The following DAPP1 variants were observed in gnomAD, a reference collection of about 807,000 sequenced individuals.
The protein encoded by DAPP1 is dual adapter for phosphotyrosine and 3-phosphotyrosine and 3-phosphoinositide.
DAPP1 carries 20 observed loss-of-function variants against 41.5 expected under a neutral mutation model. That is an observed-to-expected ratio of 0.48 (90% CI 0.34 to 0.70). The LOEUF (loss-of-function observed/expected upper bound fraction) is 0.70. Ranked by LOEUF, DAPP1 falls within the 30% of genes least tolerant of loss-of-function variation. The pLI, the probability that DAPP1 is intolerant of heterozygous loss-of-function variation, is 0.01. For missense variants in DAPP1, 233 were observed against 333.4 expected (o/e 0.70, Z 2.35); for synonymous variants, 113 against 116.2 (o/e 0.97, Z 0.18).
At chr4:99,836,829 T>C (rs1723318726) in intron 2 of DAPP1, among the ~76,000 whole-genome samples, 1 of 152,268 alleles carries the variant, frequency 6.6e-6, no homozygotes, top group Admixed American at 6.5e-5. Context: ...CTGGATTCTC[T>C]GTCCAGGATC....
rs749423368 is a variant in DAPP1 at position 99,853,207 on chromosome 4, TC to T, written c.359-10del. On this transcript the variant is annotated splice_polypyrimidine_tract_variant and intron_variant, in intron 3 of 8. Coordinates refer to ENST00000512369, the MANE Select transcript of DAPP1 (RefSeq NM_014395.3). The stretch of plus-strand genomic sequence containing the variant: ...ACACTGTTCGATTATATATTTTTCA[TC>T]TTCATTCAGGCACTCTGATGGTTCT... The T allele has an allele frequency of 6.2e-7, 1 of 1,613,796 alleles. No individual in the cohort carries two copies. The highest frequency in any genetic ancestry group is 8.5e-7 in the Non-Finnish European group (1 of 1,179,776).
intron 3 of DAPP1, 121 bp from the exon 4 acceptor site, chr4:99,853,097 T>C (rs1723920439): frequency 2.7e-6 from 3 of 1,097,510 alleles, no homozygotes; most frequent in Admixed American, 5.2e-5. Context: ...GTTGAGATAA[T>C]GAGCGAGGGA....
At position 99,869,907 on chromosome 4, in the gene DAPP1, G is replaced by T; in HGVS notation, c.*1722G>T. 1 of 152,050 alleles carries T rather than the reference G, an allele frequency of 6.6e-6. No individual in the cohort carries two copies. 9.4% of individuals were successfully genotyped at this position (152,050 alleles called of 1,614,324 possible). A position where few individuals can be genotyped will look rare whatever the true frequency, so the allele number is the denominator to read the frequency against. On this transcript the variant is annotated 3_prime_UTR_variant, in exon 9 of 9. Transcript: ENST00000512369. ...ATCGCGGCGCTGCACTCTAGCCTGG[G>T]TGACAGAGTCAGACTCCGTCCCAAA...
At chr4:99,818,686 T>C (rs1212458799) in intron 1 of DAPP1, among the ~76,000 whole-genome samples, 1 of 150,714 alleles carries the variant, frequency 6.6e-6, no homozygotes, top group African/African-American at 2.4e-5. Context: ...ACCACTTCCC[T>C]GCAAAAAAAA....
intron 1 of DAPP1, among the ~76,000 whole-genome samples, chr4:99,827,194 CTT>C (rs1560688392): frequency 6.6e-6 from 1 of 152,096 alleles, no homozygotes; most frequent in African/African-American, 2.4e-5. Flanking sequence ...ATTAGCAACT[CTT>C]TTCACTTGAC....
chr4:99,840,122 C>T (rs1366141062), intron 2 of DAPP1, among the ~76,000 whole-genome samples, 167 bp from the exon 3 acceptor site: 1 of 152,008 alleles, frequency 6.6e-6, no homozygotes, highest in Non-Finnish European at 1.5e-5. Context: ...GCAAACTCTG[C>T]CAAAAGAAAC....
intron 1 of DAPP1, among the ~76,000 whole-genome samples, chr4:99,831,938 A>G (rs1183724341): frequency 6.6e-6 from 1 of 151,710 alleles, no homozygotes; most frequent in Non-Finnish European, 1.5e-5. Context: ...TTTACTATAT[A>G]TGCTTTATAA....
intron 1 of DAPP1, among the ~76,000 whole-genome samples, chr4:99,831,022 A>C (rs1338375614): frequency 1.3e-5 from 2 of 152,218 alleles, no homozygotes; most frequent in Non-Finnish European, 2.9e-5. Flanking sequence ...ATCAAGCTAA[A>C]GTCTCCTTTG....
chr4:99,845,817 G>A (rs1723647614), intron 3 of DAPP1, among the ~76,000 whole-genome samples: 1 of 152,152 alleles, frequency 6.6e-6, no homozygotes, highest in African/African-American at 2.4e-5. Flanking sequence ...TTAGTCATGT[G>A]TCTTCAGCAA....
At chr4:99,860,454 T>C (rs1724199671) in intron 4 of DAPP1, among the ~76,000 whole-genome samples, 1 of 152,234 alleles carries the variant, frequency 6.6e-6, no homozygotes, top group African/African-American at 2.4e-5. Context: ...GTCAATTCAA[T>C]TTATTTAATG....
chr4:99,871,792 T>C (rs1200113851), downstream of DAPP1, among the ~76,000 whole-genome samples: 1 of 152,184 alleles, frequency 6.6e-6, no homozygotes, highest in Non-Finnish European at 1.5e-5. Context: ...GGAAAGGTGA[T>C]TCGGAGCACA....
chr4:99,820,796 C>T (rs886161314), intron 1 of DAPP1, among the ~76,000 whole-genome samples: 3 of 152,104 alleles, frequency 2.0e-5, no homozygotes, highest in East Asian at 1.9e-4. Flanking sequence ...AACAAATGAC[C>T]GTGATGGTGT....
intron 4 of DAPP1, among the ~76,000 whole-genome samples, chr4:99,856,383 G>A (rs1460488600): frequency 6.6e-6 from 1 of 152,202 alleles, no homozygotes; most frequent in Admixed American, 6.5e-5. Flanking sequence ...TGGAAAGAGT[G>A]CTGCAGGCAG....
rs375331133 is a variant in DAPP1 at position 99,850,705 on chromosome 4, A to T, written c.359-2513A>T. Among the ~76,000 whole-genome samples the T allele has an allele frequency of 1.9e-3, 286 of 152,330 alleles. 2 individuals are homozygous for T. Among genetic ancestry groups the T allele is most frequent in the African/African-American group, 6.5e-3 (271 of 41,582 alleles). On this transcript the variant is annotated intron_variant, in intron 3 of 8. Coordinates refer to ENST00000512369, the MANE Select transcript of DAPP1 (RefSeq NM_014395.3). ...GTTAATCACAAGTAGTGATTACTAG[A>T]CTACCACCATTTTTATTCCTAGCAG...
At chr4:99,852,965 T>A (rs1217286432) in intron 3 of DAPP1, among the ~76,000 whole-genome samples, 8 of 152,198 alleles carry the variant, frequency 5.3e-5, no homozygotes, top group Non-Finnish European at 1.0e-4. Context: ...ATCACCCTGT[T>A]CATTTAAACG....
At chr4:99,819,341 G>A (rs1722691751) in intron 1 of DAPP1, among the ~76,000 whole-genome samples, 1 of 152,144 alleles carries the variant, frequency 6.6e-6, no homozygotes, top group Non-Finnish European at 1.5e-5. Context: ...TCAAGAATTT[G>A]CCTAATTCCC....
At position 99,864,070 on chromosome 4, in the gene DAPP1, T is replaced by C. The variant is rs72913012; in HGVS notation, c.686+215T>C. On this transcript the variant is annotated intron_variant, in intron 7 of 8. Transcript: ENST00000512369. ...GGTCAGCTCAGCTTATGTTGCGTAC[T>C]GGAGAAGTATGACTCACATAGAGGA... 3,830 of 401,226 alleles carry C rather than the reference T, an allele frequency of 9.5e-3. 138 individuals carry two copies. The highest frequency in any genetic ancestry group is 0.073 in the African/African-American group (3,444 of 47,108). The allele number at this position is 401,226 out of a possible 1,614,324, so 24.9% of individuals were successfully genotyped here. A position where few individuals can be genotyped will look rare whatever the true frequency, so the allele number is the denominator to read the frequency against.
chr4:99,835,560 C>A (rs1238053760), intron 1 of DAPP1, 63 bp from the exon 2 acceptor site: 2 of 1,580,522 alleles, frequency 1.3e-6, no homozygotes, highest in Non-Finnish European at 1.7e-6. Context: ...CAAGGAAAAG[C>A]CAGTGCAGGG....
At position 99,866,130 on chromosome 4, in the gene DAPP1, T is replaced by G. The variant is rs1276780547; in HGVS notation, c.774+9T>G. The G allele has an allele frequency of 5.3e-6, 8 of 1,516,866 alleles. No homozygotes were observed. The highest frequency in any genetic ancestry group is 7.3e-6 in the Non-Finnish European group (8 of 1,095,942). 94.0% of individuals were successfully genotyped at this position (1,516,866 alleles called of 1,614,324 possible). On this transcript the variant is annotated intron_variant, in intron 8 of 8. Coordinates refer to ENST00000512369, the MANE Select transcript of DAPP1 (RefSeq NM_014395.3). ...TATTACGCTGGAAATTGGTGAGAAT[T>G]TTTAAGCCTTCAGATGTCAAGTCTT...
Sources: allele counts gnomAD v4.1 joint callset (sites outside exome capture counted in the v4.1 genomes callset), GRCh38; gene constraint gnomAD v4.1.1; transcripts MANE v1.5; gene names NCBI Gene and HGNC (gene_info 2026-07-23, HGNC 2026-07-21).